The following AKR1C1 variants were observed in gnomAD, a reference collection of about 807,000 sequenced individuals.
AKR1C1 encodes the protein aldo-keto reductase family 1 member C1.
A neutral mutation model predicts 40.6 loss-of-function variants in AKR1C1; 32 were observed. The observed-to-expected ratio is 0.79, with a 90% confidence interval of 0.60 to 1.06. AKR1C1 has a LOEUF of 1.06. Ranked by LOEUF, AKR1C1 falls within the 50% of genes least tolerant of loss-of-function variation. The pLI, the probability that AKR1C1 is intolerant of heterozygous loss-of-function variation, is 0.00. For synonymous variants in AKR1C1, 105 were observed against 134.2 expected, an observed-to-expected ratio of 0.78 and a Z score of 1.50; for missense variants, 320 against 363.5, an observed-to-expected ratio of 0.88 and a Z score of 0.97.
chr10:4,968,012 C>T lies in AKR1C1; in HGVS notation c.370-297C>T, dbSNP rs530481344. ...CTTTTGCAGTTGAAGAGAGGTATTG[C>T]CACAGAGAAAATTATAGGAGCAGAA... On this transcript the variant is annotated intron_variant, in intron 3 of 8. Transcript: ENST00000380872. 3.7e-4 allele frequency: 104 copies of T among 282,000 alleles called. No homozygotes were observed. The East Asian group carries it at 8.9e-3, about 24-fold the overall frequency. The allele number at this position is 282,000 out of a possible 1,614,324, so 17.5% of individuals were successfully genotyped here.
At chr10:4,969,077 A>G in intron 5 of AKR1C1, 133 bp downstream of exon 5, 1 of 1,540,270 alleles carries the variant, frequency 6.5e-7, no homozygotes, top group South Asian at 1.3e-5. Flanking sequence ...CTCTGTCTCG[A>G]AGGGCATAGA....
chr10:4,969,923 A>G, intron 5 of AKR1C1: 1 of 499,750 alleles, frequency 2.0e-6, no homozygotes, highest in Non-Finnish European at 3.5e-6. Flanking sequence ...TGATAATTTA[A>G]TAAAAGCATT....
chr10:4,971,143 C>A (rs1292858908), intron 5 of AKR1C1, among the ~76,000 whole-genome samples: 2 of 151,908 alleles, frequency 1.3e-5, no homozygotes, highest in East Asian at 1.9e-4. Context: ...TTTTCTACTG[C>A]ATTTCTGTTT....
At chr10:4,965,871 A>C in intron 1 of AKR1C1, 43 bp from the exon 2 acceptor site, 1 of 1,585,864 alleles carries the variant, frequency 6.3e-7, no homozygotes, top group Non-Finnish European at 8.6e-7. Flanking sequence ...ACTAACTCTC[A>C]GGCACATTAG....
chr10:4,969,981 A>G, intron 5 of AKR1C1: 1 of 432,290 alleles, frequency 2.3e-6, no homozygotes, highest in Non-Finnish European at 4.2e-6. Context: ...ATTTTTTAAT[A>G]TGGCCATTTT....
chr10:4,972,694 G>A lies in AKR1C1; in HGVS notation c.791G>A (p.Gly264Glu). 1 of 1,612,620 alleles carries A rather than the reference G, an allele frequency of 6.2e-7. No individual in the cohort carries two copies. Among genetic ancestry groups the A allele is most frequent in the Non-Finnish European group, 8.5e-7 (1 of 1,180,034 alleles). ...LIALRYQLQRGVVVLAKSYNE... is the reference protein window; with the variant it reads ...LIALRYQLQREVVVLAKSYNE... ...GCCCTGCGCTACCAGCTACAGCGTG[G>A]GGTTGTGGTCCTGGCCAAGAGCTAC... is the stretch of plus-strand genomic sequence containing the variant. The change falls in exon 7 of 9, where the codon GGG becomes GAG. Residue 264 changes from glycine (G) to glutamate (E), a missense_variant. Gly to Glu is a moderately conservative substitution (Grantham distance 98, BLOSUM62 -2). Transcript: ENST00000380872.
chr10:4,970,623 T>C (rs1459632781), intron 5 of AKR1C1, among the ~76,000 whole-genome samples: 46 of 152,026 alleles, frequency 3.0e-4, no homozygotes, highest in Non-Finnish European at 8.8e-5. Flanking sequence ...TGGAATACTA[T>C]GCAGCCATAA....
intron 7 of AKR1C1, among the ~76,000 whole-genome samples, chr10:4,973,921 A>ACG: frequency 7.5e-6 from 1 of 134,150 alleles, no homozygotes; most frequent in Non-Finnish European, 1.6e-5. Flanking sequence ...GAAATATCAT[A>ACG]TATGATATAT....
chr10:4,967,168 T>C (rs573592352), intron 3 of AKR1C1, 125 bp downstream of exon 3: 17 of 1,121,806 alleles, frequency 1.5e-5, no homozygotes, highest in Non-Finnish European at 2.2e-5. Flanking sequence ...AGAAGAATCC[T>C]AAATCTAACT....
intron 7 of AKR1C1, among the ~76,000 whole-genome samples, chr10:4,973,298 A>G (rs1251690022): frequency 6.6e-6 from 1 of 151,952 alleles, no homozygotes; most frequent in African/African-American, 2.4e-5. Flanking sequence ...TATTGAGCTC[A>G]AGGTTCCATG....
chr10:4,977,438 G>C (rs1448396821), intron 8 of AKR1C1, among the ~76,000 whole-genome samples: 1 of 152,150 alleles, frequency 6.6e-6, no homozygotes, highest in African/African-American at 2.4e-5. Flanking sequence ...GACAGATGTA[G>C]AGAAATATGT....
At chr10:4,976,952 TTGG>T (rs1836534746) in intron 8 of AKR1C1, among the ~76,000 whole-genome samples, 1 of 152,170 alleles carries the variant, frequency 6.6e-6, no homozygotes, top group Non-Finnish European at 1.5e-5. Context: ...ATTAATGTTT[TTGG>T]GGATCATGAA....
chr10:4,974,836 T>C (rs573131923), intron 7 of AKR1C1, among the ~76,000 whole-genome samples: 1 of 152,224 alleles, frequency 6.6e-6, no homozygotes, highest in Non-Finnish European at 1.5e-5. Context: ...ACAAATATTT[T>C]TCTAACTTCT....
chr10:4,970,265 G>A (rs978008295), intron 5 of AKR1C1, among the ~76,000 whole-genome samples: 17 of 152,150 alleles, frequency 1.1e-4, no homozygotes, highest in African/African-American at 3.6e-4. Flanking sequence ...TTGGTATCCA[G>A]TCCATATTTG....
intron 5 of AKR1C1, among the ~76,000 whole-genome samples, chr10:4,971,244 C>T (rs1428450900): frequency 6.6e-6 from 1 of 151,892 alleles, no homozygotes; most frequent in Non-Finnish European, 1.5e-5. Context: ...TCTTACCTGA[C>T]ATTTAATTAA....
At chr10:4,971,652 G>C (rs1836430335) in intron 5 of AKR1C1, among the ~76,000 whole-genome samples, 1 of 149,446 alleles carries the variant, frequency 6.7e-6, no homozygotes, top group African/African-American at 2.4e-5. Flanking sequence ...CATACAAAAA[G>C]GAAAAGTAAT....
intron 5 of AKR1C1, among the ~76,000 whole-genome samples, 173 bp downstream of exon 5, chr10:4,969,117 G>C (rs183961733): frequency 5.3e-5 from 8 of 152,308 alleles, no homozygotes; most frequent in Admixed American, 2.0e-4. Context: ...GCTTAGAAAA[G>C]TCTTAGAAAA....
chr10:4,973,543 C>T (rs868928080), intron 7 of AKR1C1, among the ~76,000 whole-genome samples: 9 of 152,154 alleles, frequency 5.9e-5, no homozygotes, highest in African/African-American at 1.7e-4. Context: ...AAAGCCTTTT[C>T]AGGTCTAGGC....
At position 4,982,966 on chromosome 10, in the gene AKR1C1, G is replaced by T. The variant is rs1588292694; in HGVS notation, c.*5224G>T. On this transcript the variant is annotated 3_prime_UTR_variant, in exon 9 of 9. Coordinates refer to ENST00000380872, the MANE Select transcript of AKR1C1 (RefSeq NM_001353.6). ...GCATTCAAGAAAGCCAGCACACTAAGCCTATCTACAGCCAGGGAGTCTCAG... is the reference window on the plus strand; with the variant it reads ...GCATTCAAGAAAGCCAGCACACTAATCCTATCTACAGCCAGGGAGTCTCAG... The T allele has an allele frequency of 2.2e-6, 1 of 449,562 alleles. No homozygotes were observed. Among genetic ancestry groups the T allele is most frequent in the Non-Finnish European group, 4.5e-6 (1 of 224,400 alleles). The allele number at this position is 449,562 out of a possible 1,614,324, so 27.8% of individuals were successfully genotyped here. A position where few individuals can be genotyped will look rare whatever the true frequency, so the allele number is the denominator to read the frequency against.
Sources: gnomAD v4.1 joint callset for allele counts (sites outside exome capture counted in the v4.1 genomes callset) on GRCh38, gnomAD v4.1.1 for gene constraint, MANE v1.5 for transcripts, NCBI Gene and HGNC (gene_info 2026-07-23, HGNC 2026-07-21) for gene names.